Variants in EPN3 observed in about 807,000 individuals in gnomAD.
The protein encoded by EPN3 is epsin 3.
EPN3 carries 56 observed loss-of-function variants against 55.5 expected under a neutral mutation model. That is an observed-to-expected ratio of 1.01 (90% confidence interval 0.81 to 1.26). The LOEUF (loss-of-function observed/expected upper bound fraction) is 1.26. Among genes scored for constraint, EPN3 ranks in the 50% most tolerant of loss-of-function variants. EPN3 has a pLI of 0.00. For synonymous variants in EPN3, 449 were observed against 375.2 expected (o/e 1.20, Z -2.27); for missense variants, 927 against 853.4 (o/e 1.09, Z -1.07).
At chr17:50,534,859 C>G (rs928641066) in intron 1 of EPN3, among the ~76,000 whole-genome samples, 3 of 152,286 alleles carry the variant, frequency 2.0e-5, no homozygotes, top group South Asian at 2.1e-4. Context: ...TTCTGGCAGC[C>G]TGGGGACCAG....
rs748463093 is a variant in EPN3, at chr17:50,536,809, C to G, written c.253C>G (p.Leu85Val). ...GGCTCTAACATTGCTGGACTACCTG[C>G]TCAAGACGGGCTCCGAGCGGGTGGC... ...YKALTLLDYL[L>V]KTGSERVAHQ... Residue 85 changes from leucine to valine, a missense_variant, in exon 2 of 10, where the codon CTC becomes GTC. Leu to Val is a conservative substitution (Grantham distance 32). Transcript: ENST00000268933. 1.2e-6 allele frequency: 2 copies of G among 1,614,152 alleles called. No homozygotes were observed. The highest frequency in any genetic ancestry group is 1.7e-5 in the Admixed American group (1 of 60,028).
intron 5 of EPN3, 148 bp downstream of exon 5, chr17:50,539,463 TC>T: frequency 8.1e-7 from 1 of 1,238,028 alleles, no homozygotes; most frequent in Non-Finnish European, 1.1e-6. Flanking sequence ...GCAGCCCTAG[TC>T]CCACATTGCA....
chr17:50,543,289 A>C lies in EPN3; in HGVS notation c.*1132A>C, dbSNP rs1169448998. 1 of 152,286 alleles carries C rather than the reference A, an allele frequency of 6.6e-6. No homozygotes were observed. The highest frequency in any genetic ancestry group is 1.9e-4 in the East Asian group (1 of 5,204). The allele number at this position is 152,286 out of a possible 1,614,324, so 9.4% of individuals were successfully genotyped here. A position where few individuals can be genotyped will look rare whatever the true frequency, so the allele number is the denominator to read the frequency against. On this transcript the variant is annotated 3_prime_UTR_variant, in exon 10 of 10. Coordinates refer to ENST00000268933, the MANE Select transcript of EPN3 (RefSeq NM_017957.3). ...TAGCGAGAAACTCAGTCTTAGCCAC[A>C]CAGGAGGAATCGGACCCCTTCTGGG...
intron 1 of EPN3, among the ~76,000 whole-genome samples, chr17:50,534,217 G>A (rs920975433): frequency 2.6e-5 from 4 of 152,142 alleles, no homozygotes; most frequent in African/African-American, 9.7e-5. Flanking sequence ...GGAAAATCAA[G>A]GTGCCTCCCC....
intron 6 of EPN3, 80 bp from the exon 7 acceptor site, chr17:50,540,713 T>C (rs913490861): frequency 1.3e-6 from 2 of 1,501,842 alleles, no homozygotes; most frequent in East Asian, 2.3e-5. Flanking sequence ...GCCTCCCAAC[T>C]TGGGCTGGGT....
intron 7 of EPN3, 60 bp downstream of exon 7, chr17:50,541,122 G>C (rs1483827996): frequency 6.3e-7 from 1 of 1,582,540 alleles, no homozygotes; most frequent in African/African-American, 1.3e-5. Flanking sequence ...CAGGGCCAAG[G>C]GGCAGCAGAT....
chr17:50,533,966 CT>C (rs1321527009), intron 1 of EPN3, among the ~76,000 whole-genome samples: 1 of 152,236 alleles, frequency 6.6e-6, no homozygotes, highest in Non-Finnish European at 1.5e-5. Context: ...TTCTGTTACA[CT>C]CCCTTTTATT....
intron 5 of EPN3, 80 bp from the exon 6 acceptor site, chr17:50,540,167 C>A: frequency 1.9e-6 from 2 of 1,035,704 alleles, no homozygotes; most frequent in Non-Finnish European, 3.0e-6. Context: ...AATGAACTGG[C>A]ATTAGCCTGA....
Position 50,536,513 on chromosome 17 carries a change from A to C in EPN3, c.-44A>C, listed in dbSNP as rs1597860162. 2 of 1,610,650 alleles carry C rather than the reference A, an allele frequency of 1.2e-6. No homozygotes were observed. The highest frequency in any genetic ancestry group is 1.7e-6 in the Non-Finnish European group (2 of 1,179,778). On this transcript the variant is annotated 5_prime_UTR_variant, in exon 2 of 10. Coordinates refer to ENST00000268933, the MANE Select transcript of EPN3 (RefSeq NM_017957.3). ...TCGCCACAGTGGCCCTCAGCCCTCCACCTCCGGCGGGGGCGAGGGCCACCC... is the reference window on the plus strand; with the variant it reads ...TCGCCACAGTGGCCCTCAGCCCTCCCCCTCCGGCGGGGGCGAGGGCCACCC...
Position 50,540,951 on chromosome 17 carries a change from C to A in EPN3, c.1138C>A (p.Pro380Thr), listed in dbSNP as rs371359933. 4 of 1,613,376 alleles carry A rather than the reference C, an allele frequency of 2.5e-6. No homozygotes were observed. In the African/African-American group the frequency reaches 5.3e-5, roughly 22 times the overall value. The change falls in exon 7 of 10, where the codon CCT becomes ACT. Residue 380 changes from proline (P) to threonine (T), a missense_variant. By Grantham distance (38) the Pro-to-Thr change is conservative (BLOSUM62 -1). Coordinates refer to ENST00000268933, the MANE Select transcript of EPN3 (RefSeq NM_017957.3). Reference protein sequence around the residue: ...SEPWGRTPVLPAGPPTTDPWA... With the variant: ...SEPWGRTPVLTAGPPTTDPWA... Reference sequence around the variant, plus strand: ...GCCCTGGGGCAGGACCCCAGTGCTGCCTGCTGGGCCCCCCACCACAGACCC... The same window carrying A: ...GCCCTGGGGCAGGACCCCAGTGCTGACTGCTGGGCCCCCCACCACAGACCC...
intron 1 of EPN3, 41 bp downstream of exon 1, chr17:50,533,026 T>C: frequency 8.2e-7 from 1 of 1,220,220 alleles, no homozygotes; most frequent in South Asian, 1.3e-5. Flanking sequence ...AGTGGCGGCA[T>C]GGAAGGCGGG....
Position 50,541,669 on chromosome 17 carries a change from A to G in EPN3, c.1560A>G (p.Ala520=), listed in dbSNP as rs1455117153. 1 of 1,614,080 alleles carries G rather than the reference A, an allele frequency of 6.2e-7. No homozygotes were observed. The highest frequency in any genetic ancestry group is 2.2e-5 in the East Asian group (1 of 44,872). The stretch of plus-strand genomic sequence containing the variant: ...CGTTGGTCAAGGCACCCCAGGTTGC[A>G]AAGACCCGGAACCCCTTCCTGACAG... ...LDSLVKAPQV[A]KTRNPFLTGL... The change falls in exon 9 of 10, where the codon GCA becomes GCG. Residue 520 remains alanine (A), a synonymous_variant. Coordinates refer to ENST00000268933, the MANE Select transcript of EPN3 (RefSeq NM_017957.3).
At chr17:50,535,597 T>C (rs3785916) in intron 1 of EPN3, among the ~76,000 whole-genome samples, 115,519 of 152,036 alleles carry the variant, frequency 0.76, 44,351 homozygotes, top group East Asian at 0.91. Flanking sequence ...CTCAGCTCTG[T>C]CACCACCTCC....
intron 3 of EPN3, 25 bp downstream of exon 3, chr17:50,538,222 G>C: frequency 6.3e-7 from 1 of 1,581,016 alleles, no homozygotes; most frequent in South Asian, 1.1e-5. Flanking sequence ...CCCCACTGCG[G>C]TGGGGAGGGG....
At chr17:50,540,489 C>T (rs1010198323) in intron 6 of EPN3, among the ~76,000 whole-genome samples, 155 bp downstream of exon 6, 6 of 152,202 alleles carry the variant, frequency 3.9e-5, no homozygotes, top group Non-Finnish European at 7.3e-5. Flanking sequence ...GACAGGCTTT[C>T]GTAGTGAGGG....
chr17:50,542,202 C>A lies in EPN3; in HGVS notation c.*45C>A. ...CGGCCTGCGCCTGCGCCGGACGCTC[C>A]GCGGCCCCGCCTCCGGACCCGGGGC... On this transcript the variant is annotated 3_prime_UTR_variant, in exon 10 of 10. Transcript: ENST00000268933. 1 of 1,420,864 alleles carries A rather than the reference C, an allele frequency of 7.0e-7. No individual in the cohort carries two copies. The highest frequency in any genetic ancestry group is 1.5e-5 in the South Asian group (1 of 68,426). The allele number at this position is 1,420,864 out of a possible 1,614,324, so 88.0% of individuals were successfully genotyped here.
chr17:50,542,020 G>C lies in EPN3; in HGVS notation c.1762G>C (p.Ala588Pro). Reference protein sequence around the residue: ...SLPLPLSSVPAGLTLPASVSV... With the variant: ...SLPLPLSSVPPGLTLPASVSV... Reference sequence around the variant, plus strand: ...GCCCCTCCCGCTCAGCAGCGTGCCAGCTGGCTTGACCCTCCCCGCCTCGGT... The same window carrying C: ...GCCCCTCCCGCTCAGCAGCGTGCCACCTGGCTTGACCCTCCCCGCCTCGGT... Residue 588 changes from alanine (A) to proline (P), a missense_variant, in exon 10 of 10, where the codon GCT becomes CCT. By Grantham distance (27) the Ala-to-Pro change is conservative. Transcript: ENST00000268933. 6.3e-7 allele frequency: 1 copy of C among 1,597,526 alleles called. No homozygotes were observed. The highest frequency in any genetic ancestry group is 1.3e-5 in the African/African-American group (1 of 74,838).
chr17:50,541,652 A>C lies in EPN3; in HGVS notation c.1543A>C (p.Lys515Gln). 1.2e-6 allele frequency: 2 copies of C among 1,614,106 alleles called. No individual in the cohort carries two copies. Among genetic ancestry groups the C allele is most frequent in the Non-Finnish European group, 1.7e-6 (2 of 1,180,008 alleles). Residue 515 changes from lysine to glutamine, a missense_variant, in exon 9 of 10, where the codon AAG becomes CAG. Coordinates refer to ENST00000268933, the MANE Select transcript of EPN3 (RefSeq NM_017957.3). ...CTTGGTCAACCTTGACTCGTTGGTC[A>C]AGGCACCCCAGGTTGCAAAGACCCG... ...SSLVNLDSLVKAPQVAKTRNP... is the reference protein window; with the variant it reads ...SSLVNLDSLVQAPQVAKTRNP...
chr17:50,540,321 A>G lies in EPN3; in HGVS notation c.966A>G (p.Pro322=). The G allele has an allele frequency of 6.2e-7, 1 of 1,611,422 alleles. No individual in the cohort carries two copies. Among genetic ancestry groups the G allele is most frequent in the Non-Finnish European group, 8.5e-7 (1 of 1,179,754 alleles). The change falls in exon 6 of 10, where the codon CCA becomes CCG. Residue 322 remains proline (P), a synonymous_variant. Transcript: ENST00000268933. ...CCTCCACACACTGCTCTGCTGACCC[A>G]TGGGACATCCCAGGTGGGCATGCAG... The part of the protein sequence containing the change: ...APPSTHCSAD[P]WDIPGFRPNT...
Sources: gnomAD v4.1 joint callset for allele counts (sites outside exome capture counted in the v4.1 genomes callset) on GRCh38, gnomAD v4.1.1 for gene constraint, MANE v1.5 for transcripts, NCBI Gene and HGNC (gene_info 2026-07-23, HGNC 2026-07-21) for gene names.